The following RUSC2 variants were observed in gnomAD, a reference collection of about 807,000 sequenced individuals.
RUSC2 encodes AP-4 complex accessory subunit RUSC2.
In RUSC2, 34 loss-of-function variants were observed where a neutral mutation model predicts 122.2. That is an observed-to-expected ratio of 0.28 (90% confidence interval 0.21 to 0.37). The LOEUF is 0.37. Among genes scored for constraint, RUSC2 ranks in the 10% least tolerant of loss-of-function variants. The pLI, the probability that RUSC2 is intolerant of heterozygous loss-of-function variation, is 1.00. For missense variants in RUSC2, 1,747 were observed against 1,952.4 expected (o/e 0.89, Z 1.98); for synonymous variants, 784 against 790.0 (o/e 0.99, Z 0.13).
chr9:35,513,955 TATA>T (rs1821058773), intron 1 of RUSC2, among the ~76,000 whole-genome samples: 1 of 147,496 alleles, frequency 6.8e-6, no homozygotes, highest in East Asian at 2.0e-4. Context: ...TATGTGTCTT[TATA>T]ATGTTATTTC....
At chr9:35,536,439 A>C (rs1000487607) in intron 1 of RUSC2, among the ~76,000 whole-genome samples, 9 of 152,232 alleles carry the variant, frequency 5.9e-5, no homozygotes, top group African/African-American at 2.2e-4. Flanking sequence ...CTGAATGAAC[A>C]AATACAACAG....
Position 35,558,540 on chromosome 9 carries a change from T to G in RUSC2, c.3314T>G (p.Phe1105Cys). The G allele has an allele frequency of 6.2e-7, 1 of 1,614,110 alleles. No homozygotes were observed. The highest frequency in any genetic ancestry group is 1.3e-5 in the African/African-American group (1 of 75,032). ...GAGCTCACCAGTCATACCATGCGCTTCAACGCCTTCATCCTCGGCCTGCTC... is the reference window on the plus strand; with the variant it reads ...GAGCTCACCAGTCATACCATGCGCTGCAACGCCTTCATCCTCGGCCTGCTC... ...FPELTSHTMR[F>C]NAFILGLLNI... is the part of the protein sequence containing the mutation. The change falls in exon 8 of 12, where the codon TTC (phenylalanine) becomes TGC (cysteine). Residue 1105 changes from phenylalanine (F) to cysteine (C), a missense_variant. Coordinates refer to ENST00000361226, the MANE Select transcript of RUSC2 (RefSeq NM_014806.5). The surrounding 1 kb of genome is among the most constrained non-coding windows in gnomAD (Gnocchi z 4.3).
In RUSC2 at chr9:35,547,116, A is replaced by G; in HGVS notation, c.595A>G (p.Thr199Ala). 1.2e-6 allele frequency: 2 copies of G among 1,614,174 alleles called. No individual in the cohort carries two copies. Among genetic ancestry groups the G allele is most frequent in the Non-Finnish European group, 8.5e-7 (1 of 1,180,024 alleles). Residue 199 changes from threonine (T) to alanine (A), a missense_variant, in exon 2 of 12, where the codon ACT (threonine) becomes GCT (alanine). Physicochemically the swap from Thr to Ala is moderately conservative, Grantham distance 58. Coordinates refer to ENST00000361226, the MANE Select transcript of RUSC2 (RefSeq NM_014806.5). The surrounding 1 kb of genome is among the most constrained non-coding windows in gnomAD (Gnocchi z 4.6). The stretch of plus-strand genomic sequence containing the variant: ...CTGCCGGCCAGAGCTGGAAGCAGAG[A>G]CTATGGAGCTGGATGAGTGTGGGGG... ...HCCRPELEAE[T>A]MELDECGGPG...
chr9:35,555,457 C>T lies in RUSC2; in HGVS notation c.2412C>T (p.Pro804=). The T allele has an allele frequency of 6.2e-7, 1 of 1,614,252 alleles. No homozygotes were observed. Among genetic ancestry groups the T allele is most frequent in the African/African-American group, 1.3e-5 (1 of 75,074 alleles). ...DSSASTSCSP[P]PEQPTATESL... is the part of the protein sequence containing the mutation. Reference sequence around the variant, plus strand: ...CTGCCTCCACTTCGTGCTCCCCTCCCCCAGAGCAGCCCACAGCCACAGAAA... The same window carrying T: ...CTGCCTCCACTTCGTGCTCCCCTCCTCCAGAGCAGCCCACAGCCACAGAAA... The change falls in exon 3 of 12, where the codon CCC becomes CCT. Residue 804 remains proline (P), a synonymous_variant. Coordinates refer to ENST00000361226, the MANE Select transcript of RUSC2 (RefSeq NM_014806.5). This position sits in a 1 kb window ranked among gnomAD's most constrained non-coding sequence, Gnocchi z 4.6.
chr9:35,533,016 C>T (rs187145165), intron 1 of RUSC2, among the ~76,000 whole-genome samples: 28 of 151,496 alleles, frequency 1.8e-4, no homozygotes, highest in African/African-American at 6.5e-4. Flanking sequence ...GAGGCCTAGG[C>T]GAGCAGATCA....
chr9:35,533,140 G>A (rs910032150), intron 1 of RUSC2, among the ~76,000 whole-genome samples: 4 of 151,942 alleles, frequency 2.6e-5, no homozygotes, highest in Non-Finnish European at 5.9e-5. Context: ...CCAGCTACTC[G>A]AGAGGCTGAG....
rs1822004097 is a variant in RUSC2, at chr9:35,555,794, G to A, written c.2656+93G>A. 1 of 1,484,140 alleles carries A rather than the reference G, an allele frequency of 6.7e-7. No homozygotes were observed. The highest frequency in any genetic ancestry group is 9.0e-7 in the Non-Finnish European group (1 of 1,109,690). 91.9% of individuals were successfully genotyped at this position (1,484,140 alleles called of 1,614,324 possible). A position where few individuals can be genotyped will look rare whatever the true frequency, so the allele number is the denominator to read the frequency against. On this transcript the variant is annotated intron_variant, in intron 3 of 11. Coordinates refer to ENST00000361226, the MANE Select transcript of RUSC2 (RefSeq NM_014806.5). This position sits in a 1 kb window ranked among gnomAD's most constrained non-coding sequence, Gnocchi z 4.6. ...GAGTGGTTGCTTACACTCTCACCTGGGGCCAGAGGTTAGGATGTCTGCATC... is the reference window on the plus strand; with the variant it reads ...GAGTGGTTGCTTACACTCTCACCTGAGGCCAGAGGTTAGGATGTCTGCATC...
chr9:35,555,881 G>A lies in RUSC2; in HGVS notation c.2657-71G>A. 6.4e-7 allele frequency: 1 copy of A among 1,554,824 alleles called. No individual in the cohort carries two copies. ...TCTAGTGTTTCATATGGGCCCACTG[G>A]GTGGATGTGAAACTCTGTCTCGCTG... On this transcript the variant is annotated intron_variant, in intron 3 of 11. Coordinates refer to ENST00000361226, the MANE Select transcript of RUSC2 (RefSeq NM_014806.5). This position sits in a 1 kb window ranked among gnomAD's most constrained non-coding sequence, Gnocchi z 4.6.
chr9:35,541,400 G>A (rs752887285), intron 1 of RUSC2, among the ~76,000 whole-genome samples: 23 of 151,532 alleles, frequency 1.5e-4, no homozygotes, highest in Non-Finnish European at 2.6e-4. Context: ...AGGAGCCTGA[G>A]ATACGCTCTC....
In RUSC2 at chr9:35,547,719, G is replaced by T; in HGVS notation, c.1198G>T (p.Val400Phe). The change falls in exon 2 of 12, where the codon GTC becomes TTC. Residue 400 changes from valine to phenylalanine, a missense_variant. Val to Phe is a conservative substitution (Grantham distance 50). Transcript: ENST00000361226. The surrounding 1 kb of genome is among the most constrained non-coding windows in gnomAD (Gnocchi z 4.6). ...VVATQNYYKL[V>F]TCDLSSQSSP... ...GGCCACACAAAATTACTATAAACTT[G>T]TCACCTGTGACCTATCTTCCCAATC... is the stretch of plus-strand genomic sequence containing the variant. 5 of 1,614,114 alleles carry T rather than the reference G, an allele frequency of 3.1e-6. No individual in the cohort carries two copies. Among genetic ancestry groups the T allele is most frequent in the Non-Finnish European group, 4.2e-6 (5 of 1,180,030 alleles).
At chr9:35,522,242 G>T (rs1237840808) in intron 1 of RUSC2, among the ~76,000 whole-genome samples, 2 of 152,200 alleles carry the variant, frequency 1.3e-5, no homozygotes, top group South Asian at 2.1e-4. Context: ...ACAAACATTT[G>T]ATTTGGGAGG....
chr9:35,504,770 C>G (rs1346304074), intron 1 of RUSC2, among the ~76,000 whole-genome samples: 1 of 152,074 alleles, frequency 6.6e-6, no homozygotes, highest in East Asian at 1.9e-4. Context: ...CAGCCAAGAT[C>G]TTAGTTTTAA....
rs149291812 is a variant in RUSC2 at position 35,547,985 on chromosome 9, C to T, written c.1464C>T (p.Asn488=). The stretch of plus-strand genomic sequence containing the variant: ...TATACACGAATACTTCACCCCCCAA[C>T]CTCAGCACTGGACGTCAGCGCTCCC... ...GQVYTNTSPP[N]LSTGRQRSRS... is the part of the protein sequence containing the mutation. Residue 488 remains asparagine, a synonymous_variant, in exon 2 of 12, where the codon AAC becomes AAT. Coordinates refer to ENST00000361226, the MANE Select transcript of RUSC2 (RefSeq NM_014806.5). The surrounding 1 kb of genome is among the most constrained non-coding windows in gnomAD (Gnocchi z 4.6). 6.8e-6 allele frequency: 11 copies of T among 1,614,186 alleles called. No individual in the cohort carries two copies. Among genetic ancestry groups the T allele is most frequent in the Non-Finnish European group, 9.3e-6 (11 of 1,180,042 alleles).
chr9:35,506,574 T>C (rs1470368398), intron 1 of RUSC2, among the ~76,000 whole-genome samples: 2 of 152,246 alleles, frequency 1.3e-5, no homozygotes. Context: ...GCAAATCTGT[T>C]ACATTTCTTA....
At chr9:35,510,735 AG>A (rs1278153910) in intron 1 of RUSC2, among the ~76,000 whole-genome samples, 10 of 152,214 alleles carry the variant, frequency 6.6e-5, no homozygotes, top group Admixed American at 6.5e-4. Context: ...AAAGCAGAGA[AG>A]GAAACTCTTC....
rs182465159 is a variant in RUSC2 at position 35,509,196 on chromosome 9, G to A, written c.-93+19024G>A. Among the ~76,000 whole-genome samples, 10 of 152,252 alleles carry A rather than the reference G, an allele frequency of 6.6e-5. No homozygotes were observed. The East Asian group carries it at 1.9e-3, about 29-fold the overall frequency. On this transcript the variant is annotated intron_variant, in intron 1 of 11. Coordinates refer to ENST00000361226, the MANE Select transcript of RUSC2 (RefSeq NM_014806.5). ...TTAAAAATTAGCCAAGTGTGATGGT[G>A]CATACCTGTAGTCCCAGCTACTCAG...
chr9:35,552,279 T>C (rs1487929403), intron 2 of RUSC2, among the ~76,000 whole-genome samples: 1 of 152,204 alleles, frequency 6.6e-6, no homozygotes, highest in East Asian at 1.9e-4. Flanking sequence ...AATAATCGCT[T>C]GAACCTGGAA....
rs1822044889 is a variant in RUSC2 at position 35,557,358 on chromosome 9, TGA to T, written c.2984-554_2984-553del. ...AAGGGGATGCAAGTGGGCAGGGGAG[TGA>T]GGGGTGTACATATGAGATTGTTATG... On this transcript the variant is annotated intron_variant, in intron 5 of 11. Transcript: ENST00000361226. This position sits in a 1 kb window ranked among gnomAD's most constrained non-coding sequence, Gnocchi z 4.6. 6.6e-6 allele frequency among the ~76,000 whole-genome samples: 1 copy of T among 150,504 alleles called. No homozygotes were observed.
intron 1 of RUSC2, among the ~76,000 whole-genome samples, chr9:35,508,566 G>T (rs1290212855): frequency 6.6e-6 from 1 of 152,154 alleles, no homozygotes; most frequent in African/African-American, 2.4e-5. Flanking sequence ...TGAGATTGTC[G>T]TCATCCATAT....
Sources: gnomAD v4.1 joint callset for allele counts (sites outside exome capture counted in the v4.1 genomes callset) on GRCh38, gnomAD v4.1.1 for gene constraint, Gnocchi (gnomAD v3.1) non-coding constraint, MANE v1.5 for transcripts, NCBI Gene and HGNC (gene_info 2026-07-23, HGNC 2026-07-21) for gene names.